TRIOBP: variants seen among roughly 807,000 people sequenced by gnomAD.
The protein encoded by TRIOBP is TRIO and F-actin-binding protein.
A neutral mutation model predicts 238.8 loss-of-function variants in TRIOBP; 169 were observed. The observed-to-expected ratio is 0.71, with a 90% CI of 0.62 to 0.80. The LOEUF is 0.80. TRIOBP is among the 30% of genes least tolerant of loss of function. TRIOBP has a pLI of 0.00. For missense variants in TRIOBP, 2,838 were observed against 3,122.6 expected, an observed-to-expected ratio of 0.91 and a Z score of 2.17; for synonymous variants, 1,150 against 1,274.4, an observed-to-expected ratio of 0.90 and a Z score of 2.08.
chr22:37,707,673 G>A (rs549631177), intron 3 of TRIOBP, among the ~76,000 whole-genome samples: 16 of 152,186 alleles, frequency 1.1e-4, no homozygotes, highest in African/African-American at 3.9e-4. Context: ...TGGGAGTGGT[G>A]GCTCACGTCT....
chr22:37,750,554 C>A, intron 11 of TRIOBP: 1 of 441,596 alleles, frequency 2.3e-6, no homozygotes. Flanking sequence ...AGGTGGAAGA[C>A]GGGGTGGGCA....
At chr22:37,760,844 G>A (rs1326639827) in intron 17 of TRIOBP, among the ~76,000 whole-genome samples, 2 of 151,912 alleles carry the variant, frequency 1.3e-5, no homozygotes, top group African/African-American at 2.4e-5. Flanking sequence ...GTGGTGGTGC[G>A]CACTGTAGTC....
intron 6 of TRIOBP, among the ~76,000 whole-genome samples, chr22:37,721,472 C>G (rs1224576009): frequency 6.6e-6 from 1 of 152,128 alleles, no homozygotes; most frequent in African/African-American, 2.4e-5. Flanking sequence ...ACTGTGGCTA[C>G]TTTTTTGTTT....
intron 6 of TRIOBP, among the ~76,000 whole-genome samples, chr22:37,722,212 G>A (rs1923866160): frequency 6.6e-6 from 1 of 152,038 alleles, no homozygotes; most frequent in Admixed American, 6.6e-5. Context: ...AAAAAAACAG[G>A]GGCTTTCTAG....
chr22:37,702,630 C>T (rs2145810952), intron 3 of TRIOBP, among the ~76,000 whole-genome samples: 2 of 141,076 alleles, frequency 1.4e-5, no homozygotes, highest in South Asian at 4.5e-4. Flanking sequence ...TTCTTTCTCT[C>T]TCTCTTTTTT....
intron 4 of TRIOBP, among the ~76,000 whole-genome samples, chr22:37,711,944 G>A (rs1460485231): frequency 1.3e-5 from 2 of 152,082 alleles, no homozygotes; most frequent in Non-Finnish European, 2.9e-5. Context: ...CAGCATCTGG[G>A]CTAGTGAACC....
In TRIOBP at chr22:37,726,428, C is replaced by T. The variant is rs758874269; in HGVS notation, c.3872C>T (p.Ala1291Val). The change falls in exon 7 of 24, where the codon GCG (alanine) becomes GTG (valine). Residue 1291 changes from alanine to valine, a missense_variant. Around this residue, in one of 5 missense-constraint regions of TRIOBP, gnomAD observed 2,096 missense variants for 2,137.4 expected, o/e 0.98. Transcript: ENST00000644935. The stretch of plus-strand genomic sequence containing the variant: ...GCCCAGAGACAGCCAGGGCCCCAGG[C>T]GCAGTGCAGCAGCGGGGGCCGCACC... ...RLAQRQPGPQ[A>V]QCSSGGRTHS... The T allele has an allele frequency of 2.5e-5, 39 of 1,586,006 alleles. No homozygotes were observed. Among genetic ancestry groups the T allele is most frequent in the Non-Finnish European group, 2.7e-5 (32 of 1,167,764 alleles).
In TRIOBP at chr22:37,724,581, C is replaced by T. The variant is rs1462383007; in HGVS notation, c.2025C>T (p.Ser675=). The change falls in exon 7 of 24, where the codon TCC becomes TCT. Residue 675 remains serine, a synonymous_variant. Coordinates refer to ENST00000644935, the MANE Select transcript of TRIOBP (RefSeq NM_001039141.3). ...TCCAACAAGAGAACCCCAGAACATC[C>T]TGTGCCCTACGGGACAATCCCAGAG... The part of the protein sequence containing the change: ...RTIQQENPRT[S]CALRDNPRAS... 3.1e-6 allele frequency: 5 copies of T among 1,610,968 alleles called. No individual in the cohort carries two copies. Among genetic ancestry groups the T allele is most frequent in the Admixed American group, 1.7e-5 (1 of 59,702 alleles).
chr22:37,757,384 G>C (rs996667414), intron 15 of TRIOBP, among the ~76,000 whole-genome samples: 1 of 152,052 alleles, frequency 6.6e-6, no homozygotes, highest in Non-Finnish European at 1.5e-5. Context: ...AAACAAGAAC[G>C]GGGGCGAGGG....
intron 3 of TRIOBP, among the ~76,000 whole-genome samples, chr22:37,705,497 G>A (rs919287216): frequency 6.6e-6 from 1 of 152,064 alleles, no homozygotes; most frequent in Non-Finnish European, 1.5e-5. Context: ...ATGGAGAATG[G>A]GGGGAGGCCT....
In TRIOBP at chr22:37,734,890, C is replaced by G; in HGVS notation, c.4554C>G (p.Asn1518Lys). The stretch of plus-strand genomic sequence containing the variant: ...GCCCACTCACGAGCCCCCCTGAGAA[C>G]TGGGGAGGCCCCGCAGAGTCCTCAC... ...KRSPLTSPPE[N>K]WGGPAESSQS... The change falls in exon 9 of 24, where the codon AAC becomes AAG. Residue 1518 changes from asparagine to lysine, a missense_variant. By Grantham distance (94) the Asn-to-Lys change is moderately conservative. This residue lies in a region of TRIOBP where 2,096 missense variants were observed against 2,137.4 expected (regional missense o/e 0.98). Transcript: ENST00000644935. 6.2e-7 allele frequency: 1 copy of G among 1,613,236 alleles called. No individual in the cohort carries two copies. The highest frequency in any genetic ancestry group is 2.2e-5 in the East Asian group (1 of 44,882).
Position 37,768,183 on chromosome 22 carries a change from TG to T in TRIOBP, c.6575+8del. 1 of 1,608,038 alleles carries T rather than the reference TG, an allele frequency of 6.2e-7. No homozygotes were observed. The highest frequency in any genetic ancestry group is 8.5e-7 in the Non-Finnish European group (1 of 1,176,900). ...GCCTCCGGAAGCAGCACCAGTAAGA[TG>T]ATGCCGGGGCCCAACTGCCCACCCT... is the stretch of plus-strand genomic sequence containing the variant. On this transcript the variant is annotated splice_region_variant and intron_variant, in intron 19 of 23. Coordinates refer to ENST00000644935, the MANE Select transcript of TRIOBP (RefSeq NM_001039141.3).
At chr22:37,714,231 C>T (rs1290930459) in intron 5 of TRIOBP, among the ~76,000 whole-genome samples, 1 of 152,198 alleles carries the variant, frequency 6.6e-6, no homozygotes, top group Non-Finnish European at 1.5e-5. Context: ...GTCCCACATG[C>T]GGAACTCTGG....
intron 5 of TRIOBP, among the ~76,000 whole-genome samples, chr22:37,714,874 G>A (rs1406949510): frequency 1.3e-5 from 2 of 152,024 alleles, no homozygotes; most frequent in African/African-American, 2.4e-5. Context: ...TAGAGACAGG[G>A]TCTCACTGTG....
intron 4 of TRIOBP, among the ~76,000 whole-genome samples, chr22:37,710,890 C>T (rs538044605): frequency 1.3e-5 from 2 of 152,338 alleles, no homozygotes; most frequent in African/African-American, 4.8e-5. Context: ...GGCTGCTGTA[C>T]ACTCACCTTG....
intron 7 of TRIOBP, among the ~76,000 whole-genome samples, chr22:37,728,990 AC>A (rs1448483075): frequency 6.6e-6 from 1 of 152,002 alleles, no homozygotes; most frequent in Non-Finnish European, 1.5e-5. Flanking sequence ...ATCTTGGCTC[AC>A]TGCAACCTCT....
chr22:37,772,618 G>C lies in TRIOBP; in HGVS notation c.6954G>C (p.Ser2318=). Residue 2318 remains serine, a synonymous_variant, in exon 23 of 24, where the codon TCG becomes TCC. Coordinates refer to ENST00000644935, the MANE Select transcript of TRIOBP (RefSeq NM_001039141.3). ...CCCCCCAGGACAAGCGCTTCACCTC[G>C]GGAAAGTACCAGGACGTCTATGTGG... ...QMMQKDKRFT[S]GKYQDVYVEL... The C allele has an allele frequency of 6.2e-7, 1 of 1,614,084 alleles. No homozygotes were observed. Among genetic ancestry groups the C allele is most frequent in the Non-Finnish European group, 8.5e-7 (1 of 1,180,012 alleles).
At position 37,723,770 on chromosome 22, in the gene TRIOBP, C is replaced by G. The variant is rs200489047; in HGVS notation, c.1214C>G (p.Ser405Cys). The G allele has an allele frequency of 2.5e-6, 4 of 1,597,108 alleles. No individual in the cohort carries two copies. The highest frequency in any genetic ancestry group is 3.4e-6 in the Non-Finnish European group (4 of 1,167,470). Residue 405 changes from serine (S) to cysteine (C), a missense_variant, in exon 7 of 24, where the codon TCC (serine) becomes TGC (cysteine). Physicochemically the swap from Ser to Cys is moderately radical, Grantham distance 112. Transcript: ENST00000644935. ...ACTCAACGAGAGAATTCCAGAACAT[C>G]CTGTGCCCAGCGGGACAATCCCAAA... is the stretch of plus-strand genomic sequence containing the variant. ...RTTQRENSRT[S>C]CAQRDNPKAS...
At chr22:37,769,213 A>T (rs1467503092) in intron 20 of TRIOBP, 26 bp downstream of exon 20, 1 of 1,592,078 alleles carries the variant, frequency 6.3e-7, no homozygotes, top group Non-Finnish European at 8.6e-7. Context: ...GGTTGGGGGG[A>T]CACGGGTGGG....
Sources: allele counts gnomAD v4.1 joint callset (sites outside exome capture counted in the v4.1 genomes callset), GRCh38; gene constraint gnomAD v4.1.1; regional missense constraint gnomAD v4.1.1; transcripts MANE v1.5; gene names NCBI Gene and HGNC (gene_info 2026-07-23, HGNC 2026-07-21).